The following C10orf90 variants were observed in gnomAD, a reference collection of about 807,000 sequenced individuals.
C10orf90 encodes the protein (E2-independent) E3 ubiquitin-conjugating enzyme FATS.
In C10orf90, 56 loss-of-function variants were observed where a neutral mutation model predicts 62.5. The observed-to-expected ratio is 0.90, with a 90% CI of 0.72 to 1.12. The LOEUF is 1.12. Among genes scored for constraint, C10orf90 ranks in the 50% most tolerant of loss-of-function variants. C10orf90 has a pLI of 0.00. For synonymous variants in C10orf90, 386 were observed against 340.4 expected, an observed-to-expected ratio of 1.13 and a Z score of -1.47; for missense variants, 970 against 880.4, an observed-to-expected ratio of 1.10 and a Z score of -1.29.
chr10:126,522,264 A>G (rs1344748683), intron 2 of C10orf90, among the ~76,000 whole-genome samples: 1 of 106,064 alleles, frequency 9.4e-6, no homozygotes, highest in Non-Finnish European at 1.9e-5. Flanking sequence ...GTGAAACTCC[A>G]TTTCAAAAAC....
chr10:126,635,031 A>G (rs558823919), intron 2 of C10orf90, among the ~76,000 whole-genome samples: 1 of 152,174 alleles, frequency 6.6e-6, no homozygotes, highest in Non-Finnish European at 1.5e-5. Flanking sequence ...GGCCTGGCCA[A>G]CCGCCTCAGG....
At position 126,646,078 on chromosome 10, in the gene C10orf90, T is replaced by C. The variant is rs569567316; in HGVS notation, c.313+487A>G. On this transcript the variant is annotated intron_variant, in intron 2 of 9. Coordinates refer to ENST00000488181, the MANE Select transcript of C10orf90 (RefSeq NM_001350921.2). ...TGGGGCAGGGGAGCTGGTTTTCACA[T>C]CATTTATGTTAACAAACTTAATAAA... 2.0e-5 allele frequency among the ~76,000 whole-genome samples: 3 copies of C among 152,314 alleles called. No homozygotes were observed. In the East Asian group the frequency reaches 5.8e-4, roughly 29 times the overall value.
intron 7 of C10orf90, among the ~76,000 whole-genome samples, chr10:126,431,658 A>G (rs897896498): frequency 1.3e-5 from 2 of 152,190 alleles, no homozygotes; most frequent in African/African-American, 4.8e-5. Context: ...GGGCTACTCA[A>G]GATTAGGGTG....
chr10:126,466,236 C>A (rs928409706), intron 4 of C10orf90, among the ~76,000 whole-genome samples: 1 of 151,818 alleles, frequency 6.6e-6, no homozygotes, highest in Non-Finnish European at 1.5e-5. Flanking sequence ...ATTGGGAATC[C>A]CTGGAATAAC....
chr10:126,495,340 C>T (rs1861985915), intron 4 of C10orf90, among the ~76,000 whole-genome samples: 1 of 152,096 alleles, frequency 6.6e-6, no homozygotes, highest in South Asian at 2.1e-4. Context: ...TGAAAACGTA[C>T]CCCACCCATG....
At chr10:126,617,704 T>A (rs1021470225) in intron 2 of C10orf90, among the ~76,000 whole-genome samples, 1 of 152,244 alleles carries the variant, frequency 6.6e-6, no homozygotes, top group Admixed American at 6.5e-5. Context: ...CGAAAGCCCA[T>A]GTCCTTGTCT....
At chr10:126,565,386 TTATATATATTATATTA>T (rs1844352644) in intron 2 of C10orf90, among the ~76,000 whole-genome samples, 1 of 78,520 alleles carries the variant, frequency 1.3e-5, no homozygotes, top group Non-Finnish European at 2.3e-5. Flanking sequence ...ATAATATATA[TTATATATATTATATTA>T]TATATAATAT....
chr10:126,510,005 C>T (rs774095442), intron 3 of C10orf90, among the ~76,000 whole-genome samples: 3 of 152,170 alleles, frequency 2.0e-5, no homozygotes, highest in Admixed American at 6.5e-5. Flanking sequence ...GGCTTGTAGA[C>T]GGCCATCTTC....
chr10:126,643,510 G>A (rs1477515580), intron 2 of C10orf90, among the ~76,000 whole-genome samples: 3 of 152,178 alleles, frequency 2.0e-5, no homozygotes, highest in African/African-American at 2.4e-5. Context: ...CCCCAGGATT[G>A]GGCCTCTGGA....
chr10:126,661,305 G>A (rs1015106601), intron 1 of C10orf90, among the ~76,000 whole-genome samples: 1 of 152,140 alleles, frequency 6.6e-6, no homozygotes, highest in African/African-American at 2.4e-5. Context: ...CCAATTCCAA[G>A]GCTCAACCCT....
intron 2 of C10orf90, among the ~76,000 whole-genome samples, chr10:126,644,467 C>T (rs533217328): frequency 1.4e-4 from 22 of 152,318 alleles, no homozygotes; most frequent in African/African-American, 5.3e-4. Context: ...GGTCTGACTC[C>T]TTGCCTTCTA....
chr10:126,485,932 G>T (rs1012763737), intron 4 of C10orf90, among the ~76,000 whole-genome samples: 2 of 150,000 alleles, frequency 1.3e-5, no homozygotes, highest in Admixed American at 6.6e-5. Context: ...GGGGGACAGA[G>T]CAAGACTCCA....
At chr10:126,511,672 G>A (rs1208751893) in intron 3 of C10orf90, among the ~76,000 whole-genome samples, 1 of 151,942 alleles carries the variant, frequency 6.6e-6, no homozygotes, top group Non-Finnish European at 1.5e-5. Flanking sequence ...TAAATGACAT[G>A]AGGAATTGCT....
chr10:126,513,810 T>C (rs1441889928), intron 3 of C10orf90, 38 bp downstream of exon 3: 2 of 1,345,068 alleles, frequency 1.5e-6, no homozygotes, highest in Admixed American at 3.4e-5. Context: ...GATGGGTGCA[T>C]TTTGCTGACT....
intron 1 of C10orf90, among the ~76,000 whole-genome samples, chr10:126,657,186 A>G (rs1299018265): frequency 6.6e-6 from 1 of 152,134 alleles, no homozygotes; most frequent in Non-Finnish European, 1.5e-5. Flanking sequence ...AAAATTCACC[A>G]TTTAAATCAT....
At chr10:126,656,225 C>G (rs1478016095) in intron 1 of C10orf90, among the ~76,000 whole-genome samples, 1 of 152,150 alleles carries the variant, frequency 6.6e-6, no homozygotes, top group Non-Finnish European at 1.5e-5. Context: ...CTACTGTAAT[C>G]CCATTCTAAA....
chr10:126,614,381 T>G (rs1052658008), intron 2 of C10orf90, among the ~76,000 whole-genome samples: 1 of 152,150 alleles, frequency 6.6e-6, no homozygotes, highest in African/African-American at 2.4e-5. Context: ...TGATAAATAC[T>G]CTACAGACTA....
chr10:126,658,050 G>A (rs545613042), intron 1 of C10orf90, among the ~76,000 whole-genome samples: 16 of 152,324 alleles, frequency 1.1e-4, no homozygotes, highest in African/African-American at 3.6e-4. Flanking sequence ...GACTTTGGGT[G>A]AACCTACAAA....
intron 2 of C10orf90, among the ~76,000 whole-genome samples, chr10:126,546,113 C>T (rs1029246604): frequency 6.6e-6 from 1 of 152,120 alleles, no homozygotes; most frequent in African/African-American, 2.4e-5. Flanking sequence ...GAAAAAACCC[C>T]AGGCAAAGCC....
Sources: allele counts gnomAD v4.1 joint callset (sites outside exome capture counted in the v4.1 genomes callset), GRCh38; gene constraint gnomAD v4.1.1; transcripts MANE v1.5; gene names NCBI Gene and HGNC (gene_info 2026-07-23, HGNC 2026-07-21).